PDE1A: variants seen among roughly 807,000 people sequenced by gnomAD.
PDE1A encodes dual specificity calcium/calmodulin-dependent 3',5'-cyclic nucleotide phosphodiesterase 1A.
A neutral mutation model predicts 61.7 loss-of-function variants in PDE1A; 35 were observed. That is an observed-to-expected ratio of 0.57 (90% CI 0.43 to 0.75). PDE1A has a LOEUF of 0.75. Among genes scored for constraint, PDE1A ranks in the 30% least tolerant of loss-of-function variants. PDE1A has a pLI of 0.00. For synonymous variants in PDE1A, 232 were observed against 213.2 expected, an observed-to-expected ratio of 1.09 and a Z score of -0.77; for missense variants, 597 against 630.6, an observed-to-expected ratio of 0.95 and a Z score of 0.57.
chr2:182,662,386 T>C, the PDE1A span, among the ~76,000 whole-genome samples: 85 of 137,440 alleles, frequency 6.2e-4, 2 homozygotes, highest in Admixed American at 7.9e-4. Flanking sequence ...GCCACGACAA[T>C]CCTAAGCAAA....
chr2:182,568,904 A>G, the PDE1A span, among the ~76,000 whole-genome samples: 1 of 152,098 alleles, frequency 6.6e-6, no homozygotes, highest in Non-Finnish European at 1.5e-5. Flanking sequence ...GAGATTAATC[A>G]CCAATCTCAT....
In PDE1A at chr2:182,381,583, G is replaced by A. The variant is rs560133161; in HGVS notation, c.53+44995C>T. Among the ~76,000 whole-genome samples the A allele has an allele frequency of 5.3e-5, 8 of 152,148 alleles. No homozygotes were observed. The South Asian group carries it at 1.7e-3, about 32-fold the overall frequency. On this transcript the variant is annotated intron_variant, in intron 1 of 13. Transcript: ENST00000351439. Reference sequence around the variant, plus strand: ...AATCCTAGCACTTTGGGAGGCGGAGGCGAGCAGATCACGAGATCAGGAGTT... The same window carrying A: ...AATCCTAGCACTTTGGGAGGCGGAGACGAGCAGATCACGAGATCAGGAGTT...
intron 1 of PDE1A, among the ~76,000 whole-genome samples, chr2:182,406,385 A>C (rs1277729380): frequency 6.6e-6 from 1 of 152,068 alleles, no homozygotes; most frequent in Non-Finnish European, 1.5e-5. Flanking sequence ...AAAAAAAAAA[A>C]ATGTAGATTT....
intron 1 of PDE1A, among the ~76,000 whole-genome samples, chr2:182,327,686 G>T (rs1697135908): frequency 6.6e-6 from 1 of 152,186 alleles, no homozygotes; most frequent in African/African-American, 2.4e-5. Flanking sequence ...CTGAAGACTG[G>T]CTGGAGACAC....
intron 1 of PDE1A, among the ~76,000 whole-genome samples, chr2:182,277,466 G>A (rs1029769922): frequency 3.3e-5 from 5 of 152,100 alleles, no homozygotes; most frequent in African/African-American, 1.2e-4. Context: ...ATCAAGTGCT[G>A]AGCATTTCCC....
At chr2:182,639,480 A>G in the PDE1A span, among the ~76,000 whole-genome samples, 4,293 of 152,276 alleles carry the variant, frequency 0.028, 86 homozygotes, top group Middle Eastern at 0.071. Flanking sequence ...AGGCAGGAGA[A>G]TCACTTGAAC....
chr2:182,353,436 C>T (rs931762778), intron 1 of PDE1A, among the ~76,000 whole-genome samples: 1 of 152,126 alleles, frequency 6.6e-6, no homozygotes, highest in Non-Finnish European at 1.5e-5. Context: ...AAACAGTTCA[C>T]TAACTTGCTA....
At chr2:182,386,027 G>GT (rs1182771987) in intron 1 of PDE1A, among the ~76,000 whole-genome samples, 3 of 152,200 alleles carry the variant, frequency 2.0e-5, no homozygotes, top group East Asian at 1.9e-4. Context: ...GCCTGACTGT[G>GT]TTTTTTTGGT....
intron 13 of PDE1A, among the ~76,000 whole-genome samples, chr2:182,172,593 G>T (rs1692330773): frequency 6.6e-6 from 1 of 151,938 alleles, no homozygotes; most frequent in South Asian, 2.1e-4. Context: ...TCTAATTTGG[G>T]TAGGCCTCCT....
chr2:182,610,143 A>T, the PDE1A span, among the ~76,000 whole-genome samples: 13 of 152,140 alleles, frequency 8.5e-5, no homozygotes, highest in African/African-American at 2.7e-4. Context: ...AGTCTGGACA[A>T]ATAGGCCTTG....
chr2:182,222,048 A>G (rs1688772961), intron 7 of PDE1A, among the ~76,000 whole-genome samples: 1 of 151,956 alleles, frequency 6.6e-6, no homozygotes, highest in Non-Finnish European at 1.5e-5. Flanking sequence ...AAAAATATAT[A>G]TATATTAAAA....
At chr2:182,535,215 T>A in the PDE1A span, among the ~76,000 whole-genome samples, 1 of 152,056 alleles carries the variant, frequency 6.6e-6, no homozygotes, top group Admixed American at 6.5e-5. Context: ...TAGATACTAT[T>A]TTGAAGTGCT....
chr2:182,428,309 T>C (rs1158573957), upstream of PDE1A, among the ~76,000 whole-genome samples: 2 of 152,150 alleles, frequency 1.3e-5, no homozygotes, highest in Non-Finnish European at 2.9e-5. Flanking sequence ...GGTACTATCA[T>C]GTTATTTCTA....
chr2:182,180,189 C>T (rs948986285), intron 13 of PDE1A, among the ~76,000 whole-genome samples: 1 of 151,772 alleles, frequency 6.6e-6, no homozygotes, highest in Admixed American at 6.6e-5. Flanking sequence ...AATAGCTTAT[C>T]ATTGTTTCAT....
the PDE1A span, among the ~76,000 whole-genome samples, chr2:182,550,450 A>G: frequency 6.6e-6 from 1 of 152,204 alleles, no homozygotes; most frequent in African/African-American, 2.4e-5. Flanking sequence ...GGGCAATTCC[A>G]GCCAAGCCAG....
chr2:182,151,100 T>C (rs1482784216), intron 13 of PDE1A, among the ~76,000 whole-genome samples: 2 of 152,166 alleles, frequency 1.3e-5, no homozygotes, highest in Non-Finnish European at 2.9e-5. Context: ...TTATTATTAT[T>C]TTTTGAGACA....
At chr2:182,693,517 T>A in the PDE1A span, among the ~76,000 whole-genome samples, 8 of 152,214 alleles carry the variant, frequency 5.3e-5, no homozygotes, top group Non-Finnish European at 8.8e-5. Flanking sequence ...GGTTACTTGG[T>A]TGATGTTGAA....
At chr2:182,687,335 C>T in the PDE1A span, among the ~76,000 whole-genome samples, 3 of 152,194 alleles carry the variant, frequency 2.0e-5, no homozygotes, top group African/African-American at 7.2e-5. Flanking sequence ...TGAGATGAAA[C>T]TTCCAGAGGA....
chr2:182,347,977 G>C (rs546023671), intron 1 of PDE1A, among the ~76,000 whole-genome samples: 4 of 152,184 alleles, frequency 2.6e-5, no homozygotes, highest in African/African-American at 9.6e-5. Flanking sequence ...TGGGGAAAAA[G>C]GATTTGTAAT....
Sources: allele counts gnomAD v4.1 joint callset (sites outside exome capture counted in the v4.1 genomes callset), GRCh38; gene constraint gnomAD v4.1.1; transcripts MANE v1.5; gene names NCBI Gene and HGNC (gene_info 2026-07-23, HGNC 2026-07-21).